OCIAD2: variants seen among roughly 807,000 people sequenced by gnomAD.
OCIAD2 encodes the protein OCIA domain-containing protein 2.
A neutral mutation model predicts 22.9 loss-of-function variants in OCIAD2; 29 were observed. The ratio of observed to expected loss-of-function variants is 1.27; its 90% CI spans 0.94 to 1.73. The LOEUF (loss-of-function observed/expected upper bound fraction) is 1.73. Among genes scored for constraint, OCIAD2 ranks in the 40% most tolerant of loss-of-function variants. The pLI, the probability that OCIAD2 is intolerant of heterozygous loss-of-function variation, is 0.00. For synonymous variants in OCIAD2, 67 were observed against 60.2 expected (o/e 1.11, Z -0.52); for missense variants, 189 against 180.3 (o/e 1.05, Z -0.28).
intron 6 of OCIAD2, among the ~76,000 whole-genome samples, chr4:48,891,905 G>T (rs141650491): frequency 3.6e-4 from 55 of 152,322 alleles, no homozygotes; most frequent in African/African-American, 1.1e-3. Context: ...CCTTCAGAAG[G>T]TCTCTGCAGC....
Position 48,899,922 on chromosome 4 carries a change from G to C in OCIAD2, c.70C>G (p.Leu24Val). 6.2e-7 allele frequency: 1 copy of C among 1,611,706 alleles called. No individual in the cohort carries two copies. Residue 24 changes from leucine (L) to valine (V), a missense_variant, in exon 3 of 7, where the codon CTG becomes GTG. Physicochemically the swap from Leu to Val is conservative, Grantham distance 32. Coordinates refer to ENST00000508632, the MANE Select transcript of OCIAD2 (RefSeq NM_001014446.3). ...AHFPPPSKQS[L>V]LFCPKSKLHI... ...AGTTTTGATTTTGGACAAAACAACA[G>C]GCTCTGTAAGGAAAGTTATATGGTG... is the stretch of plus-strand genomic sequence containing the variant.
chr4:48,894,302 C>A (rs1412049532), intron 4 of OCIAD2, among the ~76,000 whole-genome samples: 1 of 151,924 alleles, frequency 6.6e-6, no homozygotes, highest in Non-Finnish European at 1.5e-5. Flanking sequence ...ACCAGCTTGG[C>A]CAACATGGTG....
At chr4:48,887,296 A>G (rs1454058440) in intron 6 of OCIAD2, among the ~76,000 whole-genome samples, 1 of 151,784 alleles carries the variant, frequency 6.6e-6, no homozygotes, top group East Asian at 1.9e-4. Context: ...CTGCCTGTTC[A>G]CTCTGATGGT....
At chr4:48,898,462 G>A (rs1781347030) in intron 3 of OCIAD2, among the ~76,000 whole-genome samples, 1 of 152,102 alleles carries the variant, frequency 6.6e-6, no homozygotes, top group South Asian at 2.1e-4. Context: ...ACCACCATTA[G>A]CATGGTCAAA....
chr4:48,901,191 C>T (rs1446883574), intron 2 of OCIAD2, among the ~76,000 whole-genome samples: 1 of 151,856 alleles, frequency 6.6e-6, no homozygotes, highest in Non-Finnish European at 1.5e-5. Flanking sequence ...TTTTAAGATC[C>T]ACCCATGTTG....
intron 6 of OCIAD2, 121 bp downstream of exon 6, chr4:48,892,651 G>T: frequency 3.8e-6 from 2 of 529,222 alleles, no homozygotes; most frequent in Non-Finnish European, 6.7e-6. Flanking sequence ...TAAACTTGAG[G>T]GTTAAAACTT....
At chr4:48,893,811 C>T (rs1342914216) in intron 5 of OCIAD2, 195 bp downstream of exon 5, 1 of 321,618 alleles carries the variant, frequency 3.1e-6, no homozygotes, top group Non-Finnish European at 5.6e-6. Flanking sequence ...TCTCCAGTTG[C>T]TAGTAATGTC....
intron 6 of OCIAD2, among the ~76,000 whole-genome samples, chr4:48,888,276 C>T (rs1781052945): frequency 6.6e-6 from 1 of 152,168 alleles, no homozygotes; most frequent in African/African-American, 2.4e-5. Flanking sequence ...ATCATGTCAT[C>T]TGCAAATAGG....
chr4:48,889,618 G>A (rs905251950), intron 6 of OCIAD2, among the ~76,000 whole-genome samples: 3 of 152,218 alleles, frequency 2.0e-5, no homozygotes, highest in Admixed American at 6.5e-5. Flanking sequence ...AGGTGCTGGA[G>A]AGGATGTGGA....
At chr4:48,903,804 C>T (rs1432275516) in intron 2 of OCIAD2, among the ~76,000 whole-genome samples, 1 of 151,794 alleles carries the variant, frequency 6.6e-6, no homozygotes, top group East Asian at 1.9e-4. Flanking sequence ...AGCCACCATG[C>T]CCGGCTATTT....
rs1208213127 is a variant in OCIAD2, at chr4:48,897,857, G to A, written c.164C>T (p.Ala55Val). The A allele has an allele frequency of 1.2e-6, 2 of 1,611,496 alleles. No homozygotes were observed. Among genetic ancestry groups the A allele is most frequent in the South Asian group, 2.2e-5 (2 of 90,840 alleles). ...ECQEESFWKR[A>V]LPFSLVSMLV... The stretch of plus-strand genomic sequence containing the variant: ...CATGCTTACAAGAGAAAAAGGCAGA[G>A]CTGTAAAGCAAAAATGTCCTTCAAT... Residue 55 changes from alanine (A) to valine (V), a missense_variant and splice_region_variant, in exon 4 of 7, where the codon GCT becomes GTT. Physicochemically the swap from Ala to Val is moderately conservative, Grantham distance 64. Transcript: ENST00000508632.
At chr4:48,898,794 CA>C (rs1781356149) in intron 3 of OCIAD2, among the ~76,000 whole-genome samples, 1 of 152,176 alleles carries the variant, frequency 6.6e-6, no homozygotes, top group African/African-American at 2.4e-5. Context: ...CTGGGAAAGG[CA>C]ATTTCTAGTT....
chr4:48,892,836 G>GGA lies in OCIAD2; in HGVS notation c.318_319insTC (p.Gln107SerfsTer34). 6.2e-7 allele frequency: 1 copy of GGA among 1,612,836 alleles called. No homozygotes were observed. Among genetic ancestry groups the GGA allele is most frequent in the South Asian group, 1.1e-5 (1 of 90,818 alleles). ...TCTTCAAAAAAATGGAATTTACTCT[G>GGA]GCATACTCCTATGTATGATACCTTT... On this transcript the variant is annotated frameshift_variant, in exon 6 of 7. Transcript: ENST00000508632. LOFTEE classifies it high-confidence loss of function.
intron 4 of OCIAD2, among the ~76,000 whole-genome samples, chr4:48,894,352 G>T (rs1781255660): frequency 6.6e-6 from 1 of 152,054 alleles, no homozygotes; most frequent in African/African-American, 2.4e-5. Flanking sequence ...ACTTAGCCAG[G>T]CATGATGGTG....
intron 3 of OCIAD2, among the ~76,000 whole-genome samples, chr4:48,898,264 C>T (rs1464887303): frequency 2.0e-5 from 3 of 152,126 alleles, no homozygotes; most frequent in Admixed American, 1.3e-4. Context: ...AAAAGCAATA[C>T]AATAAACTCC....
At chr4:48,901,072 T>A (rs1459629351) in intron 2 of OCIAD2, among the ~76,000 whole-genome samples, 2 of 152,228 alleles carry the variant, frequency 1.3e-5, no homozygotes, top group African/African-American at 2.4e-5. Flanking sequence ...CTTTTATTTC[T>A]ATCCATTCTT....
At chr4:48,888,624 A>G (rs572476583) in intron 6 of OCIAD2, among the ~76,000 whole-genome samples, 1 of 152,234 alleles carries the variant, frequency 6.6e-6, no homozygotes, top group South Asian at 2.1e-4. Context: ...TTCTGTTTAT[A>G]TGGTAGATTA....
chr4:48,899,779 A>G, intron 3 of OCIAD2, 50 bp downstream of exon 3: 1 of 1,264,358 alleles, frequency 7.9e-7, no homozygotes, highest in Non-Finnish European at 1.1e-6. Context: ...CAATTCTAAT[A>G]TGATATTTAG....
intron 3 of OCIAD2, among the ~76,000 whole-genome samples, chr4:48,899,364 A>G (rs1781368809): frequency 6.6e-6 from 1 of 152,218 alleles, no homozygotes; most frequent in Admixed American, 6.5e-5. Flanking sequence ...TAAGCGAAGT[A>G]TTAATGGAAC....
Sources: gnomAD v4.1 joint callset for allele counts (sites outside exome capture counted in the v4.1 genomes callset) on GRCh38, gnomAD v4.1.1 for gene constraint, MANE v1.5 for transcripts, NCBI Gene and HGNC (gene_info 2026-07-23, HGNC 2026-07-21) for gene names.